Variants in NCKAP5 observed in about 807,000 individuals in gnomAD.
NCKAP5 encodes nck-associated protein 5.
Under a neutral mutation model 167.0 loss-of-function variants are expected in NCKAP5, and 92 were observed. The ratio of observed to expected loss-of-function variants is 0.55; its 90% CI spans 0.47 to 0.66. The LOEUF (loss-of-function observed/expected upper bound fraction) is 0.66, where lower values mean the gene tolerates loss of function less well. Ranked by LOEUF, NCKAP5 falls within the 30% of genes least tolerant of loss-of-function variation. The probability of loss-of-function intolerance (pLI) is 0.00; values close to 1 mark genes in which losing one functional copy is unlikely to be tolerated. For synonymous variants in NCKAP5, 891 were observed against 877.4 expected (o/e 1.02, Z -0.27); for missense variants, 2,378 against 2,315.0 (o/e 1.03, Z -0.56).
intron 11 of NCKAP5, among the ~76,000 whole-genome samples, chr2:132,837,329 T>C (rs953905166): frequency 2.0e-5 from 3 of 152,070 alleles, no homozygotes; most frequent in Non-Finnish European, 4.4e-5. Context: ...TTCCCTCTAT[T>C]TTTTTCCTAT....
intron 3 of NCKAP5, among the ~76,000 whole-genome samples, chr2:133,421,443 G>A (rs1246525360): frequency 4.6e-5 from 7 of 152,210 alleles, no homozygotes; most frequent in Admixed American, 1.3e-4. Flanking sequence ...ATCACTTTAA[G>A]AGGTTACATT....
intron 8 of NCKAP5, among the ~76,000 whole-genome samples, chr2:132,959,086 A>T (rs1325315046): frequency 6.9e-6 from 1 of 145,640 alleles, no homozygotes; most frequent in African/African-American, 2.5e-5. Flanking sequence ...ATATTAATAA[A>T]TATATTATTA....
At chr2:132,945,768 T>C (rs553898031) in intron 8 of NCKAP5, among the ~76,000 whole-genome samples, 1 of 152,332 alleles carries the variant, frequency 6.6e-6, no homozygotes, top group African/African-American at 2.4e-5. Flanking sequence ...GCATATGTAT[T>C]ATTGCTTCCA....
In NCKAP5 at chr2:133,467,042, T is replaced by C. The variant is rs367918778; in HGVS notation, c.69+50416A>G. Reference sequence around the variant, plus strand: ...ATTGCCCTGGCCAGAACTTCCAACATTATGTTGAATAGGAGTGGTGAGAGA... The same window carrying C: ...ATTGCCCTGGCCAGAACTTCCAACACTATGTTGAATAGGAGTGGTGAGAGA... On this transcript the variant is annotated intron_variant, in intron 3 of 19. Coordinates refer to ENST00000409261, the MANE Select transcript of NCKAP5 (RefSeq NM_207363.3). 8.6e-3 allele frequency among the ~76,000 whole-genome samples: 1,307 copies of C among 151,442 alleles called. 10 individuals are homozygous for C. Among genetic ancestry groups the C allele is most frequent in the African/African-American group, 0.02 (813 of 41,092 alleles).
intron 6 of NCKAP5, among the ~76,000 whole-genome samples, chr2:133,025,128 T>G (rs2149403226): frequency 6.6e-6 from 1 of 152,334 alleles, no homozygotes; most frequent in East Asian, 1.9e-4. Context: ...CCATCCTTAT[T>G]ACCATCCAAT....
chr2:133,615,494 T>G, the NCKAP5 span, among the ~76,000 whole-genome samples: 19 of 150,386 alleles, frequency 1.3e-4, no homozygotes, highest in African/African-American at 4.6e-4. Flanking sequence ...AAGCAGGGGT[T>G]GCAGTCCTAC....
chr2:132,959,337 T>C (rs1349304703), intron 8 of NCKAP5, among the ~76,000 whole-genome samples: 1 of 152,178 alleles, frequency 6.6e-6, no homozygotes, highest in Non-Finnish European at 1.5e-5. Flanking sequence ...AAATCATTCC[T>C]AGAAGCGGCC....
chr2:133,198,552 T>C (rs1222074811), intron 5 of NCKAP5, among the ~76,000 whole-genome samples: 2 of 152,104 alleles, frequency 1.3e-5, no homozygotes, highest in Admixed American at 6.6e-5. Context: ...ACAAGTTTTG[T>C]TTCATTGTCA....
chr2:132,760,451 T>C (rs896996541), intron 16 of NCKAP5, among the ~76,000 whole-genome samples: 3 of 152,216 alleles, frequency 2.0e-5, no homozygotes, highest in Non-Finnish European at 2.9e-5. Context: ...CTGGTTTTCA[T>C]TGTTTTCAGA....
chr2:132,989,917 T>C lies in NCKAP5; in HGVS notation c.429+4235A>G, dbSNP rs531839149. Among the ~76,000 whole-genome samples, 206 of 152,256 alleles carry C rather than the reference T, an allele frequency of 1.4e-3. 1 individual carries two copies. Among genetic ancestry groups the C allele is most frequent in the Non-Finnish European group, 2.4e-3 (163 of 68,012 alleles). On this transcript the variant is annotated intron_variant, in intron 7 of 19. Coordinates refer to ENST00000409261, the MANE Select transcript of NCKAP5 (RefSeq NM_207363.3). The stretch of plus-strand genomic sequence containing the variant: ...TGAAAATATCTCCTTTAGTGGCTAT[T>C]GGAAGAAAGAAATAAGATCCACGTT...
chr2:133,116,637 G>T (rs1359335891), intron 6 of NCKAP5, among the ~76,000 whole-genome samples: 1 of 151,632 alleles, frequency 6.6e-6, no homozygotes, highest in African/African-American at 2.4e-5. Flanking sequence ...CTATATACTT[G>T]CTCCAAACAT....
chr2:132,748,944 C>G (rs2104771774), intron 16 of NCKAP5, among the ~76,000 whole-genome samples: 1 of 152,032 alleles, frequency 6.6e-6, no homozygotes, highest in East Asian at 1.9e-4. Context: ...CCACCACACC[C>G]AGCTAATTTT....
chr2:133,420,800 G>A (rs574429157), intron 3 of NCKAP5, among the ~76,000 whole-genome samples: 2 of 152,294 alleles, frequency 1.3e-5, no homozygotes, highest in African/African-American at 2.4e-5. Context: ...AAGGCTCACA[G>A]AGATTAGGCT....
chr2:132,978,502 G>A (rs548989656), intron 7 of NCKAP5, among the ~76,000 whole-genome samples: 2 of 152,272 alleles, frequency 1.3e-5, no homozygotes, highest in African/African-American at 4.8e-5. Context: ...GAGGTGGTTG[G>A]ATGCTGGAGG....
intron 2 of NCKAP5, among the ~76,000 whole-genome samples, chr2:133,534,899 C>T (rs1367407724): frequency 6.6e-6 from 1 of 152,112 alleles, no homozygotes; most frequent in East Asian, 1.9e-4. Context: ...TGAGGAAATG[C>T]CAAACTGTTT....
intron 16 of NCKAP5, among the ~76,000 whole-genome samples, chr2:132,733,140 C>G (rs1306222128): frequency 6.6e-6 from 1 of 152,156 alleles, no homozygotes; most frequent in African/African-American, 2.4e-5. Flanking sequence ...GAAAAAATTA[C>G]CACGTCATTT....
chr2:132,714,708 G>C (rs1328581522), intron 19 of NCKAP5, among the ~76,000 whole-genome samples: 1 of 151,952 alleles, frequency 6.6e-6, no homozygotes, highest in Non-Finnish European at 1.5e-5. Context: ...TCCCAGCTGG[G>C]AGGCTGAGGC....
At chr2:132,843,806 A>G (rs1221364213) in intron 11 of NCKAP5, among the ~76,000 whole-genome samples, 1 of 152,024 alleles carries the variant, frequency 6.6e-6, no homozygotes, top group African/African-American at 2.4e-5. Context: ...TTAAGTTGCT[A>G]TTCTTTCCCT....
intron 3 of NCKAP5, among the ~76,000 whole-genome samples, chr2:133,416,152 G>A (rs1159546384): frequency 1.3e-5 from 2 of 152,196 alleles, no homozygotes; most frequent in Non-Finnish European, 2.9e-5. Flanking sequence ...CAAATATCTA[G>A]AAAACACCTC....
Sources: allele counts gnomAD v4.1 joint callset (sites outside exome capture counted in the v4.1 genomes callset), GRCh38; gene constraint gnomAD v4.1.1; transcripts MANE v1.5; gene names NCBI Gene and HGNC (gene_info 2026-07-23, HGNC 2026-07-21).